Variants in TENM4 observed in about 807,000 individuals in gnomAD.
TENM4 encodes teneurin transmembrane protein 4, also known as teneurin-4.
A neutral mutation model predicts 243.3 loss-of-function variants in TENM4; 82 were observed. That is an observed-to-expected ratio of 0.34 (90% confidence interval 0.28 to 0.40). The LOEUF (loss-of-function observed/expected upper bound fraction) is 0.40. Among genes scored for constraint, TENM4 ranks in the 10% least tolerant of loss-of-function variants. The probability of loss-of-function intolerance (pLI) is 1.00; values close to 1 mark genes in which losing one functional copy is unlikely to be tolerated. For synonymous variants in TENM4, 1,412 were observed against 1,456.3 expected (o/e 0.97, Z 0.69); for missense variants, 3,138 against 3,673.3 (o/e 0.85, Z 3.77).
chr11:78,786,588 C>G (rs1487200063), intron 16 of TENM4, among the ~76,000 whole-genome samples: 2 of 152,258 alleles, frequency 1.3e-5, no homozygotes, highest in Non-Finnish European at 2.9e-5. Context: ...CTGCCTCATT[C>G]CTCAACACAG....
At chr11:78,823,936 C>T (rs536769) in intron 12 of TENM4, among the ~76,000 whole-genome samples, 65,650 of 151,942 alleles carry the variant, frequency 0.43, 14,806 homozygotes, top group Middle Eastern at 0.54. Flanking sequence ...TATTTCATTC[C>T]TACAACAGTT....
Position 78,820,050 on chromosome 11 carries a change from G to T in TENM4, c.1682-5655C>A, listed in dbSNP as rs138062886. Among the ~76,000 whole-genome samples, 429 of 152,238 alleles carry T rather than the reference G, an allele frequency of 2.8e-3. 2 individuals are homozygous for T. The highest frequency in any genetic ancestry group is 4.7e-3 in the Non-Finnish European group (323 of 68,004). On this transcript the variant is annotated intron_variant, in intron 12 of 33. Coordinates refer to ENST00000278550, the MANE Select transcript of TENM4 (RefSeq NM_001098816.3). The stretch of plus-strand genomic sequence containing the variant: ...AGGTTACACCTATTTCATCCCCTTT[G>T]CTCCTGAAATAGAAGGGCTGGATTT...
rs780530657 is a variant in TENM4 at position 78,990,063 on chromosome 11, T to TA, written c.493+74674dup. On this transcript the variant is annotated intron_variant, in intron 6 of 33. Coordinates refer to ENST00000278550, the MANE Select transcript of TENM4 (RefSeq NM_001098816.3). ...TGGGTGACAGGAGTGAGGCTTTGTT[T>TA]AAAAAAAAAAAAAAAGATGATTTGG... 3.8e-3 allele frequency among the ~76,000 whole-genome samples: 533 copies of TA among 138,910 alleles called. 3 individuals are homozygous for TA. The highest frequency in any genetic ancestry group is 5.6e-3 in the African/African-American group (204 of 36,498). 91.1% of individuals were successfully genotyped at this position (138,910 alleles called of 152,430 possible).
At chr11:78,889,465 T>C (rs906445027) in intron 9 of TENM4, among the ~76,000 whole-genome samples, 2 of 152,224 alleles carry the variant, frequency 1.3e-5, no homozygotes, top group Non-Finnish European at 2.9e-5. Flanking sequence ...ATGACACTTA[T>C]GCCATAGATC....
At chr11:78,699,769 G>C (rs1228063107) in intron 28 of TENM4, among the ~76,000 whole-genome samples, 2 of 152,218 alleles carry the variant, frequency 1.3e-5, no homozygotes, top group Non-Finnish European at 2.9e-5. Context: ...AGATTTCAGG[G>C]GTGGTGGAGC....
intron 28 of TENM4, among the ~76,000 whole-genome samples, chr11:78,689,399 T>A (rs1205041302): frequency 1.3e-5 from 2 of 151,964 alleles, no homozygotes; most frequent in Non-Finnish European, 2.9e-5. Context: ...GACACAGTTC[T>A]TCCTCTACAT....
intron 4 of TENM4, among the ~76,000 whole-genome samples, chr11:79,102,678 A>C (rs563523282): frequency 2.2e-4 from 33 of 152,340 alleles, no homozygotes; most frequent in South Asian, 4.1e-4. Flanking sequence ...CTATCCACCC[A>C]TCCTCAAGTG....
chr11:79,331,398 T>C (rs1214012669), intron 1 of TENM4, among the ~76,000 whole-genome samples: 2 of 152,170 alleles, frequency 1.3e-5, no homozygotes, highest in Admixed American at 1.3e-4. Flanking sequence ...CCTCTGTTGT[T>C]GCCTTATCTG....
At chr11:79,174,635 G>A (rs1455916387) in intron 3 of TENM4, among the ~76,000 whole-genome samples, 5 of 152,172 alleles carry the variant, frequency 3.3e-5, no homozygotes, top group Non-Finnish European at 7.3e-5. Context: ...ACTCTGGCAG[G>A]AGGTGTGAGG....
chr11:79,125,678 T>C (rs943288577), intron 4 of TENM4, among the ~76,000 whole-genome samples: 1 of 152,162 alleles, frequency 6.6e-6, no homozygotes, highest in Non-Finnish European at 1.5e-5. Flanking sequence ...ATTCCCTCCC[T>C]GACCCATGCT....
chr11:79,351,382 G>C (rs1857412840), intron 1 of TENM4, among the ~76,000 whole-genome samples: 1 of 152,196 alleles, frequency 6.6e-6, no homozygotes, highest in Non-Finnish European at 1.5e-5. Context: ...CTGCCTGGGA[G>C]AGTGCCTGCC....
chr11:78,668,327 CAT>C (rs1858212815), intron 32 of TENM4, among the ~76,000 whole-genome samples: 1 of 152,072 alleles, frequency 6.6e-6, no homozygotes, highest in South Asian at 2.1e-4. Flanking sequence ...TTATAATACA[CAT>C]ATTTAATTAT....
At chr11:78,837,143 G>A (rs900020087) in intron 12 of TENM4, among the ~76,000 whole-genome samples, 1 of 152,182 alleles carries the variant, frequency 6.6e-6, no homozygotes, top group Non-Finnish European at 1.5e-5. Context: ...ATCTTGAATT[G>A]TAGCTTCCAT....
At chr11:78,893,447 A>G (rs990139166) in intron 7 of TENM4, among the ~76,000 whole-genome samples, 8 of 152,164 alleles carry the variant, frequency 5.3e-5, no homozygotes, top group Non-Finnish European at 1.0e-4. Context: ...TCAACCCTCC[A>G]ATGGCTTCAT....
intron 2 of TENM4, among the ~76,000 whole-genome samples, chr11:79,296,631 G>C (rs1856459171): frequency 6.6e-6 from 1 of 152,212 alleles, no homozygotes. Context: ...CAACTACCAG[G>C]TGGAACAGTC....
chr11:78,994,946 G>A (rs569117387), intron 6 of TENM4, among the ~76,000 whole-genome samples: 18 of 152,290 alleles, frequency 1.2e-4, no homozygotes, highest in South Asian at 4.1e-4. Flanking sequence ...AGAATAAAAC[G>A]CAATTCTGGT....
intron 4 of TENM4, among the ~76,000 whole-genome samples, chr11:79,122,186 T>A (rs144292947): frequency 1.5e-3 from 222 of 152,204 alleles, no homozygotes; most frequent in African/African-American, 5.1e-3. Context: ...GACCAGGTGA[T>A]TGCTAGTCCC....
chr11:78,927,493 A>G (rs988412576), intron 6 of TENM4, among the ~76,000 whole-genome samples: 1 of 152,232 alleles, frequency 6.6e-6, no homozygotes, highest in African/African-American at 2.4e-5. Context: ...AAAAATATAA[A>G]AGAAATATCT....
intron 28 of TENM4, among the ~76,000 whole-genome samples, chr11:78,698,404 A>AAACCAACCAACCAACCAACCAACC (rs375751143): frequency 1.3e-5 from 2 of 151,876 alleles, no homozygotes; most frequent in South Asian, 2.1e-4. Context: ...AAACCGAACC[A>AAACCAACCAACCAACCAACCAACC]AACCAACCAA....
Sources: allele counts gnomAD v4.1 joint callset (sites outside exome capture counted in the v4.1 genomes callset), GRCh38; gene constraint gnomAD v4.1.1; transcripts MANE v1.5; gene names NCBI Gene and HGNC (gene_info 2026-07-23, HGNC 2026-07-21).